NCEH1: variants seen among roughly 807,000 people sequenced by gnomAD.
The protein encoded by NCEH1 is 2-acetyl MAGE hydrolase.
In NCEH1, 9 loss-of-function variants were observed where a neutral mutation model predicts 25.4. That is an observed-to-expected ratio of 0.35 (90% CI 0.21 to 0.62). The LOEUF (loss-of-function observed/expected upper bound fraction) is 0.62. Ranked by LOEUF, NCEH1 falls within the 20% of genes least tolerant of loss-of-function variation. The pLI is 0.72. For missense variants in NCEH1, 412 were observed against 501.1 expected (o/e 0.82, Z 1.70); for synonymous variants, 200 against 199.8 (o/e 1.00, Z -0.01).
chr3:172,687,394 G>C (rs1712759413), intron 1 of NCEH1, among the ~76,000 whole-genome samples: 1 of 152,088 alleles, frequency 6.6e-6, no homozygotes, highest in Non-Finnish European at 1.5e-5. Context: ...GATTATTTTT[G>C]CTTGCTGCAC....
intron 1 of NCEH1, among the ~76,000 whole-genome samples, chr3:172,659,612 C>T (rs571950342): frequency 1.3e-3 from 201 of 152,264 alleles, no homozygotes; most frequent in Admixed American, 2.5e-3. Flanking sequence ...CGTTGCTCAG[C>T]CAGGGTCTGT....
chr3:172,694,041 G>A (rs754181949), intron 1 of NCEH1, among the ~76,000 whole-genome samples: 6 of 152,078 alleles, frequency 3.9e-5, no homozygotes, highest in African/African-American at 7.2e-5. Flanking sequence ...CTATAGGCAC[G>A]TGCCACCACA....
chr3:172,676,696 C>T (rs879058155), intron 1 of NCEH1, among the ~76,000 whole-genome samples: 2 of 152,178 alleles, frequency 1.3e-5, no homozygotes, highest in Admixed American at 1.3e-4. Context: ...TAAAACTACT[C>T]CACACGTGTC....
chr3:172,701,411 C>T (rs899475234), intron 1 of NCEH1, among the ~76,000 whole-genome samples: 4 of 149,076 alleles, frequency 2.7e-5, no homozygotes, highest in African/African-American at 1.0e-4. Context: ...TTAGTTCATG[C>T]TCTCACCTGG....
At chr3:172,673,474 G>A (rs1482705201) in intron 1 of NCEH1, among the ~76,000 whole-genome samples, 1 of 152,218 alleles carries the variant, frequency 6.6e-6, no homozygotes, top group Non-Finnish European at 1.5e-5. Context: ...GCAAGGGAAA[G>A]GTGGCTAACA....
intron 1 of NCEH1, among the ~76,000 whole-genome samples, chr3:172,687,863 G>A (rs546854107): frequency 3.9e-5 from 6 of 152,328 alleles, no homozygotes; most frequent in African/African-American, 1.4e-4. Flanking sequence ...CTGGCTGTTT[G>A]AAAGTTTGAT....
intron 1 of NCEH1, among the ~76,000 whole-genome samples, chr3:172,650,468 C>T (rs576368039): frequency 6.7e-6 from 1 of 149,968 alleles, no homozygotes; most frequent in Non-Finnish European, 1.5e-5. Context: ...ATGGTGAAAC[C>T]CTGTCTCTAC....
chr3:172,698,448 T>C lies in NCEH1; in HGVS notation c.138+12399A>G, dbSNP rs538511405. On this transcript the variant is annotated intron_variant, in intron 1 of 4. Coordinates refer to ENST00000475381, the MANE Select transcript of NCEH1 (RefSeq NM_020792.6). ...GAAATGATGCATATACCAGAAACAG[T>C]GAGATACACATCTTCCACTTTTTAA... 2.0e-5 allele frequency among the ~76,000 whole-genome samples: 3 copies of C among 152,308 alleles called. No homozygotes were observed. The East Asian group carries it at 5.8e-4, about 29-fold the overall frequency.
chr3:172,710,879 G>A lies in NCEH1; in HGVS notation c.106C>T (p.Leu36=), dbSNP rs774261510. The part of the protein sequence containing the change: ...SVSDPWKLML[L]DATFRGAQQV... Reference sequence around the variant, plus strand: ...TGTGCACCCCGGAAAGTGGCGTCCAGCAGCATCAGCTTCCAGGGGTCGGAC... The same window carrying A: ...TGTGCACCCCGGAAAGTGGCGTCCAACAGCATCAGCTTCCAGGGGTCGGAC... Residue 36 remains leucine (L), a synonymous_variant, in exon 1 of 5, where the codon CTG becomes TTG. Transcript: ENST00000475381. The A allele has an allele frequency of 6.2e-7, 1 of 1,614,150 alleles. No homozygotes were observed. The highest frequency in any genetic ancestry group is 8.5e-7 in the Non-Finnish European group (1 of 1,180,036).
chr3:172,691,533 G>T (rs1713038124), intron 1 of NCEH1, among the ~76,000 whole-genome samples: 1 of 152,308 alleles, frequency 6.6e-6, no homozygotes, highest in African/African-American at 2.4e-5. Flanking sequence ...TGCACACAGT[G>T]GGGAAGTCCA....
chr3:172,645,491 A>C, intron 3 of NCEH1, 132 bp downstream of exon 3: 1 of 552,302 alleles, frequency 1.8e-6, no homozygotes, highest in East Asian at 2.9e-5. Context: ...GCTGAGTGTG[A>C]CTTTGGGCAT....
At chr3:172,645,750 A>G in intron 2 of NCEH1, 58 bp from the exon 3 acceptor site, 1 of 1,023,818 alleles carries the variant, frequency 9.8e-7, no homozygotes, top group East Asian at 2.6e-5. Context: ...CTGTCCACTC[A>G]TAAATTCTGC....
intron 1 of NCEH1, among the ~76,000 whole-genome samples, chr3:172,682,874 A>G (rs1018312190): frequency 2.0e-5 from 3 of 152,200 alleles, no homozygotes; most frequent in Non-Finnish European, 4.4e-5. Flanking sequence ...ATGCTTTGTC[A>G]TGTAGCTTTT....
intron 2 of NCEH1, among the ~76,000 whole-genome samples, chr3:172,646,303 T>A (rs3850174): frequency 0.2 from 30,843 of 152,148 alleles, 3,462 homozygotes; most frequent in Non-Finnish European, 0.26. Flanking sequence ...TACAATGAGC[T>A]GTGATAGAGC....
chr3:172,633,202 G>A lies in NCEH1; in HGVS notation c.*273C>T, dbSNP rs776542277. The stretch of plus-strand genomic sequence containing the variant: ...TTTCCAGTTCCTAGTCCTGCTTTCT[G>A]TAGCTGTAGGTATCAGTATAGTTGG... On this transcript the variant is annotated 3_prime_UTR_variant, in exon 5 of 5. Coordinates refer to ENST00000475381, the MANE Select transcript of NCEH1 (RefSeq NM_020792.6). 7.9e-5 allele frequency: 30 copies of A among 381,540 alleles called. No individual in the cohort carries two copies. Among genetic ancestry groups the A allele is most frequent in the Non-Finnish European group, 1.2e-4 (26 of 210,772 alleles). 23.6% of individuals were successfully genotyped at this position (381,540 alleles called of 1,614,324 possible).
chr3:172,683,067 G>A (rs1397768507), intron 1 of NCEH1, among the ~76,000 whole-genome samples: 5 of 152,186 alleles, frequency 3.3e-5, no homozygotes, highest in African/African-American at 9.7e-5. Flanking sequence ...TAAGATAGTT[G>A]GCCAGATGCG....
intron 1 of NCEH1, among the ~76,000 whole-genome samples, chr3:172,665,744 T>C (rs980485334): frequency 6.6e-6 from 1 of 152,190 alleles, no homozygotes; most frequent in Non-Finnish European, 1.5e-5. Context: ...CTTGGACTGC[T>C]GTGCTAGCAG....
chr3:172,644,345 C>A (rs1270206220), intron 3 of NCEH1, among the ~76,000 whole-genome samples: 1 of 152,162 alleles, frequency 6.6e-6, no homozygotes, highest in Non-Finnish European at 1.5e-5. Flanking sequence ...AAGAAAAGAT[C>A]CACTCAAATC....
chr3:172,633,699 G>A lies in NCEH1; in HGVS notation c.1003C>T (p.Gln335Ter). 6.2e-7 allele frequency: 1 copy of A among 1,614,214 alleles called. No individual in the cohort carries two copies. Among genetic ancestry groups the A allele is most frequent in the African/African-American group, 1.3e-5 (1 of 75,054 alleles). The change falls in exon 5 of 5, where the codon CAG (glutamine) becomes TAG (stop). Residue 335 changes from glutamine (Q) to a stop codon, truncating the protein, a stop_gained. Coordinates refer to ENST00000475381, the MANE Select transcript of NCEH1 (RefSeq NM_020792.6). LOFTEE classifies it high-confidence loss of function. The part of the protein sequence containing the change: ...APLIADQAVL[Q>*]LLPKTYILTC... ...AGAATGTAGGTCTTTGGGAGGAGCT[G>A]CAGCACTGCCTGGTCTGCAATGAGT...
Sources: gnomAD v4.1 joint callset for allele counts (sites outside exome capture counted in the v4.1 genomes callset) on GRCh38, gnomAD v4.1.1 for gene constraint, MANE v1.5 for transcripts, NCBI Gene and HGNC (gene_info 2026-07-23, HGNC 2026-07-21) for gene names.